Variants in CCSER1 observed in about 807,000 individuals in gnomAD.
CCSER1 encodes coiled-coil serine rich protein 1.
In CCSER1, 41 loss-of-function variants were observed where a neutral mutation model predicts 82.0. That is an observed-to-expected ratio of 0.50 (90% CI 0.39 to 0.65). CCSER1 has a LOEUF of 0.65. Among genes scored for constraint, CCSER1 ranks in the 30% least tolerant of loss-of-function variants. CCSER1 has a pLI of 0.00. For missense variants in CCSER1, 1,119 were observed against 1,064.2 expected (o/e 1.05, Z -0.72); for synonymous variants, 414 against 383.9 (o/e 1.08, Z -0.92).
At chr4:91,435,403 T>G (rs1754589461) in intron 10 of CCSER1, among the ~76,000 whole-genome samples, 1 of 151,218 alleles carries the variant, frequency 6.6e-6, no homozygotes, top group Non-Finnish European at 1.5e-5. Context: ...ATCATGCCAC[T>G]GCACTCCAGC....
rs201537076 is a variant in CCSER1, at chr4:91,059,427, A to T, written c.2173-26523A>T. 6.7e-4 allele frequency among the ~76,000 whole-genome samples: 94 copies of T among 140,794 alleles called. 1 individual carries two copies. The East Asian group carries it at 0.017, about 26-fold the overall frequency. 92.4% of individuals were successfully genotyped at this position (140,794 alleles called of 152,430 possible). A position where few individuals can be genotyped will look rare whatever the true frequency, so the allele number is the denominator to read the frequency against. ...TGGTTTGTTTTTGTTGTATTAATAA[A>T]AGATTTTATTTGTATGCTTTATTAA... On this transcript the variant is annotated intron_variant, in intron 9 of 10. Transcript: ENST00000509176.
At chr4:90,670,438 C>A (rs1732581561) in intron 6 of CCSER1, among the ~76,000 whole-genome samples, 1 of 152,072 alleles carries the variant, frequency 6.6e-6, no homozygotes, top group African/African-American at 2.4e-5. Flanking sequence ...TAAGAAGGAG[C>A]ATGACTTTTA....
chr4:91,576,484 G>C (rs1004798080), intron 10 of CCSER1, among the ~76,000 whole-genome samples: 1 of 151,978 alleles, frequency 6.6e-6, no homozygotes, highest in Non-Finnish European at 1.5e-5. Context: ...GCATACCCTA[G>C]TGACTATGTT....
intron 10 of CCSER1, among the ~76,000 whole-genome samples, chr4:91,217,875 C>G (rs1480274435): frequency 6.6e-6 from 1 of 152,240 alleles, no homozygotes; most frequent in African/African-American, 2.4e-5. Flanking sequence ...ACTCTCCACT[C>G]CCCACCAGAC....
intron 6 of CCSER1, among the ~76,000 whole-genome samples, chr4:90,711,238 G>C (rs2149325785): frequency 6.6e-6 from 1 of 152,068 alleles, no homozygotes; most frequent in East Asian, 1.9e-4. Context: ...GTGCTGATAT[G>C]GTTGGGTTTT....
At chr4:91,003,325 G>A (rs1738209827) in intron 9 of CCSER1, among the ~76,000 whole-genome samples, 1 of 152,166 alleles carries the variant, frequency 6.6e-6, no homozygotes, top group Non-Finnish European at 1.5e-5. Flanking sequence ...ACCAGGGTTG[G>A]TAGGGAGGGA....
intron 10 of CCSER1, among the ~76,000 whole-genome samples, chr4:91,416,863 T>A (rs1313336972): frequency 1.3e-5 from 2 of 152,196 alleles, no homozygotes; most frequent in African/African-American, 4.8e-5. Flanking sequence ...TAGGATCTAC[T>A]TAAACTAAAG....
At chr4:90,269,168 T>C (rs7676938) in intron 1 of CCSER1, among the ~76,000 whole-genome samples, 7,388 of 152,184 alleles carry the variant, frequency 0.049, 478 homozygotes, top group African/African-American at 0.15. Flanking sequence ...ATTTAATCTG[T>C]ATTTAGATTG....
chr4:91,064,167 G>A (rs1561515203), intron 9 of CCSER1, among the ~76,000 whole-genome samples: 1 of 152,110 alleles, frequency 6.6e-6, no homozygotes. Context: ...GTAACATTGG[G>A]TTATTCAGCT....
rs981584552 is a variant in CCSER1, at chr4:90,873,974, C to T, written c.2095-49396C>T. 4.6e-5 allele frequency among the ~76,000 whole-genome samples: 7 copies of T among 152,016 alleles called. No individual in the cohort carries two copies. In the East Asian group the frequency reaches 9.6e-4, roughly 21 times the overall value. ...TATAGGCAAACAGTTGCATATGGTA[C>T]GGTACTAAATGTGTTAAAGAACCTT... On this transcript the variant is annotated intron_variant, in intron 8 of 10. Transcript: ENST00000509176.
intron 10 of CCSER1, among the ~76,000 whole-genome samples, chr4:91,431,762 C>T (rs533280099): frequency 2.6e-5 from 4 of 152,276 alleles, no homozygotes; most frequent in South Asian, 2.1e-4. Context: ...TCACCAAGCC[C>T]GGCCTCTTCC....
chr4:90,260,651 T>C (rs1234344934), intron 1 of CCSER1, among the ~76,000 whole-genome samples: 1 of 152,198 alleles, frequency 6.6e-6, no homozygotes. Flanking sequence ...TGAATGCTTA[T>C]GTGTAAGATG....
At chr4:90,848,197 G>C (rs1354578713) in intron 8 of CCSER1, among the ~76,000 whole-genome samples, 2 of 152,126 alleles carry the variant, frequency 1.3e-5, no homozygotes, top group Non-Finnish European at 2.9e-5. Context: ...GTGCATAGTA[G>C]CAATGAAGCA....
chr4:91,129,978 G>C (rs1727858585), intron 10 of CCSER1: 1 of 151,886 alleles, frequency 6.6e-6, no homozygotes, highest in Non-Finnish European at 1.5e-5. Flanking sequence ...GAAGAAATAT[G>C]TTATGAATTA....
intron 7 of CCSER1, among the ~76,000 whole-genome samples, chr4:90,772,616 A>G (rs1011109354): frequency 3.3e-5 from 5 of 152,124 alleles, no homozygotes; most frequent in Non-Finnish European, 7.4e-5. Flanking sequence ...GCTTAAGTTA[A>G]TGTAGAATTC....
chr4:90,728,423 T>A (rs1744078898), intron 7 of CCSER1, among the ~76,000 whole-genome samples: 1 of 152,224 alleles, frequency 6.6e-6, no homozygotes, highest in African/African-American at 2.4e-5. Flanking sequence ...TTTTTAGGAA[T>A]AGAATTGTGT....
At chr4:90,836,163 A>C in intron 8 of CCSER1, among the ~76,000 whole-genome samples, 1 of 152,190 alleles carries the variant, frequency 6.6e-6, no homozygotes, top group East Asian at 1.9e-4. Context: ...GTTGACAGGT[A>C]GGACTTCTGT....
intron 7 of CCSER1, chr4:90,781,511 A>T (rs1753777359): frequency 2.0e-6 from 2 of 984,984 alleles, no homozygotes. Flanking sequence ...CTCTTATTTG[A>T]TTAGATGTTA....
chr4:91,308,981 C>T (rs549622212), intron 10 of CCSER1, among the ~76,000 whole-genome samples: 2 of 151,980 alleles, frequency 1.3e-5, no homozygotes, highest in South Asian at 4.2e-4. Context: ...GGCTACTGGC[C>T]TAAACCCTAT....
Sources: allele counts gnomAD v4.1 joint callset (sites outside exome capture counted in the v4.1 genomes callset), GRCh38; gene constraint gnomAD v4.1.1; transcripts MANE v1.5; gene names NCBI Gene and HGNC (gene_info 2026-07-23, HGNC 2026-07-21).